The following PAPOLG variants were observed in gnomAD, a reference collection of about 807,000 sequenced individuals.
PAPOLG encodes the protein poly(A) polymerase gamma.
Under a neutral mutation model 99.0 loss-of-function variants are expected in PAPOLG, and 40 were observed. The observed-to-expected ratio is 0.40, with a 90% confidence interval of 0.31 to 0.53. The LOEUF (loss-of-function observed/expected upper bound fraction) is 0.53. Among genes scored for constraint, PAPOLG ranks in the 20% least tolerant of loss-of-function variants. PAPOLG has a pLI of 0.41. For missense variants in PAPOLG, 675 were observed against 884.1 expected (o/e 0.76, Z 3.00); for synonymous variants, 310 against 299.3 (o/e 1.04, Z -0.37).
chr2:60,768,378 A>G, intron 3 of PAPOLG, 92 bp from the exon 4 acceptor site: 1 of 1,319,480 alleles, frequency 7.6e-7, no homozygotes. Flanking sequence ...CTGGGATTAC[A>G]AGTGTGAGCC....
chr2:60,788,466 T>C (rs1403964991), intron 15 of PAPOLG, among the ~76,000 whole-genome samples: 2 of 152,040 alleles, frequency 1.3e-5, no homozygotes, highest in African/African-American at 2.4e-5. Context: ...GAATTACAGG[T>C]GCGTGCCACC....
chr2:60,778,202 A>C (rs1271533094), intron 8 of PAPOLG, among the ~76,000 whole-genome samples: 1 of 152,186 alleles, frequency 6.6e-6, no homozygotes, highest in East Asian at 1.9e-4. Context: ...ACCGGAATGC[A>C]GTGGTGCAAT....
In PAPOLG at chr2:60,797,393, C is replaced by G; in HGVS notation, c.*233C>G. On this transcript the variant is annotated 3_prime_UTR_variant, in exon 22 of 22. Transcript: ENST00000238714. The stretch of plus-strand genomic sequence containing the variant: ...CTGAGGATCACCTGCTGTCAAATTG[C>G]CATCTACAGTATTACAGCTTTGCAT... 3.7e-6 allele frequency: 2 copies of G among 534,784 alleles called. No homozygotes were observed. Among genetic ancestry groups the G allele is most frequent in the Non-Finnish European group, 3.3e-6 (1 of 301,800 alleles). 33.1% of individuals were successfully genotyped at this position (534,784 alleles called of 1,614,324 possible).
At chr2:60,791,253 A>G (rs1428360155) in intron 15 of PAPOLG, among the ~76,000 whole-genome samples, 2 of 152,174 alleles carry the variant, frequency 1.3e-5, no homozygotes, top group East Asian at 3.8e-4. Flanking sequence ...GGACATGGAA[A>G]AACTATTGGA....
chr2:60,771,735 T>A, intron 7 of PAPOLG, 105 bp downstream of exon 7: 1 of 1,258,610 alleles, frequency 7.9e-7, no homozygotes, highest in Non-Finnish European at 1.1e-6. Context: ...GGACTCAGTT[T>A]AAAATGTAAT....
chr2:60,781,780 T>G, intron 10 of PAPOLG, 105 bp from the exon 11 acceptor site: 1 of 1,442,090 alleles, frequency 6.9e-7, no homozygotes, highest in East Asian at 2.3e-5. Flanking sequence ...CTTGAGGAAA[T>G]GTAGTATTAA....
At chr2:60,766,806 A>T (rs1670690780) in intron 3 of PAPOLG, among the ~76,000 whole-genome samples, 1 of 152,088 alleles carries the variant, frequency 6.6e-6, no homozygotes, top group Non-Finnish European at 1.5e-5. Context: ...GTTGGTTGGT[A>T]GGTAGTTGGA....
At chr2:60,762,781 C>A (rs1670558199) in intron 3 of PAPOLG, among the ~76,000 whole-genome samples, 1 of 151,938 alleles carries the variant, frequency 6.6e-6, no homozygotes, top group East Asian at 1.9e-4. Context: ...CGTGTACCAC[C>A]ACACCGGGCT....
chr2:60,796,348 A>G (rs1360360799), intron 21 of PAPOLG, among the ~76,000 whole-genome samples: 1 of 151,464 alleles, frequency 6.6e-6, no homozygotes, highest in East Asian at 1.9e-4. Context: ...CATATTGGCC[A>G]GGCTGCTCTT....
At position 60,776,238 on chromosome 2, in the gene PAPOLG, CT is replaced by C. The variant is rs200585284; in HGVS notation, c.694+1125del. Among the ~76,000 whole-genome samples the C allele has an allele frequency of 1.5e-4, 22 of 149,226 alleles. No homozygotes were observed. The East Asian group carries it at 2.5e-3, about 17-fold the overall frequency. ...AGAGCAGTCCTACTTAGAAAGGAAT[CT>C]TTTTTTTTTCTGAGCAGTAGATCTC... On this transcript the variant is annotated intron_variant, in intron 8 of 21. Transcript: ENST00000238714.
intron 11 of PAPOLG, 29 bp downstream of exon 11, chr2:60,782,034 A>G: frequency 6.2e-7 from 1 of 1,605,254 alleles, no homozygotes; most frequent in Non-Finnish European, 8.5e-7. Flanking sequence ...TGCCCTTTAC[A>G]TATTCCCACA....
chr2:60,765,496 C>T (rs180879729), intron 3 of PAPOLG, among the ~76,000 whole-genome samples: 124 of 151,684 alleles, frequency 8.2e-4, no homozygotes, highest in African/African-American at 2.8e-3. Context: ...CTCAGCCTCC[C>T]GAAGTGTTAG....
In PAPOLG at chr2:60,773,750, A is replaced by G. The variant is rs547275722; in HGVS notation, c.605-1284A>G. Among the ~76,000 whole-genome samples, 8 of 152,154 alleles carry G rather than the reference A, an allele frequency of 5.3e-5. No individual in the cohort carries two copies. The South Asian group carries it at 1.5e-3, about 28-fold the overall frequency. On this transcript the variant is annotated intron_variant, in intron 7 of 21. Transcript: ENST00000238714. ...TAGTGACCAGTCTCAACAGAAAAGT[A>G]TGGAAAGGTGTCAAGCTCATAGTAA...
At chr2:60,767,932 G>A (rs1321723782) in intron 3 of PAPOLG, among the ~76,000 whole-genome samples, 3 of 152,192 alleles carry the variant, frequency 2.0e-5, no homozygotes, top group Non-Finnish European at 4.4e-5. Flanking sequence ...AGGGATGTAT[G>A]TATGTGTAGT....
intron 21 of PAPOLG, among the ~76,000 whole-genome samples, chr2:60,796,086 T>A (rs1452929691): frequency 6.6e-6 from 1 of 152,144 alleles, no homozygotes; most frequent in Non-Finnish European, 1.5e-5. Context: ...TGCTCATAAT[T>A]GTTTTAATGC....
intron 5 of PAPOLG, among the ~76,000 whole-genome samples, chr2:60,769,254 A>G (rs1670775884): frequency 6.6e-6 from 1 of 152,220 alleles, no homozygotes; most frequent in Admixed American, 6.5e-5. Context: ...AATGATTGAT[A>G]CATATCAAAT....
At position 60,800,178 on chromosome 2, in the gene PAPOLG, TTTTTTTA is replaced by T. The variant is rs1558730866; in HGVS notation, c.*3032_*3038del. The T allele has an allele frequency of 6.6e-6, 1 of 152,084 alleles. No homozygotes were observed. Among genetic ancestry groups the T allele is most frequent in the Non-Finnish European group, 1.5e-5 (1 of 68,020 alleles). 9.4% of individuals were successfully genotyped at this position (152,084 alleles called of 1,614,324 possible). A position where few individuals can be genotyped will look rare whatever the true frequency, so the allele number is the denominator to read the frequency against. On this transcript the variant is annotated 3_prime_UTR_variant, in exon 22 of 22. Coordinates refer to ENST00000238714, the MANE Select transcript of PAPOLG (RefSeq NM_022894.4). ...TAAAACTGGGACAGGAGAATTATTA[TTTTTTTA>T]TTTTTTATTTTTTTATGAAGACAAG...
chr2:60,796,069 C>T (rs1307553977), intron 21 of PAPOLG, among the ~76,000 whole-genome samples: 1 of 152,022 alleles, frequency 6.6e-6, no homozygotes, highest in African/African-American at 2.4e-5. Context: ...CTTTGTATAT[C>T]TGAAATTGCT....
At chr2:60,766,444 G>A (rs1419472975) in intron 3 of PAPOLG, among the ~76,000 whole-genome samples, 2 of 151,982 alleles carry the variant, frequency 1.3e-5, no homozygotes, top group Admixed American at 6.6e-5. Flanking sequence ...CAGGAGGATC[G>A]CTTTAAAACA....
Sources: gnomAD v4.1 joint callset for allele counts (sites outside exome capture counted in the v4.1 genomes callset) on GRCh38, gnomAD v4.1.1 for gene constraint, MANE v1.5 for transcripts, NCBI Gene and HGNC (gene_info 2026-07-23, HGNC 2026-07-21) for gene names.